CYP7B1: variants seen among roughly 807,000 people sequenced by gnomAD.
CYP7B1 encodes the protein cytochrome P450 family 7 subfamily B member 1, also known as cytochrome P450 7B1.
Under a neutral mutation model 42.7 loss-of-function variants are expected in CYP7B1, and 29 were observed. The ratio of observed to expected loss-of-function variants is 0.68; its 90% confidence interval spans 0.51 to 0.93. CYP7B1 has a LOEUF of 0.93. Ranked by LOEUF, CYP7B1 falls within the 40% of genes least tolerant of loss-of-function variation. The pLI, the probability that CYP7B1 is intolerant of heterozygous loss-of-function variation, is 0.00. For synonymous variants in CYP7B1, 235 were observed against 218.2 expected (o/e 1.08, Z -0.68); for missense variants, 655 against 600.5 (o/e 1.09, Z -0.95).
rs141346462 is a variant in CYP7B1 at position 64,751,220 on chromosome 8, T to A, written c.122+47246A>T. On this transcript the variant is annotated intron_variant, in intron 1 of 5. Coordinates refer to ENST00000310193, the MANE Select transcript of CYP7B1 (RefSeq NM_004820.5). Reference sequence around the variant, plus strand: ...AGAAAATAAATGTGACCTGTCATCATATCTCTCAAAGATAACCACTGCTAG... The same window carrying A: ...AGAAAATAAATGTGACCTGTCATCAAATCTCTCAAAGATAACCACTGCTAG... Among the ~76,000 whole-genome samples, 90 of 152,362 alleles carry A rather than the reference T, an allele frequency of 5.9e-4. 1 individual carries two copies. The highest frequency in any genetic ancestry group is 2.1e-3 in the African/African-American group (87 of 41,596).
chr8:64,681,395 C>A (rs918059117), intron 1 of CYP7B1, among the ~76,000 whole-genome samples: 1 of 152,042 alleles, frequency 6.6e-6, no homozygotes, highest in Non-Finnish European at 1.5e-5. Context: ...GCCAAAGGAC[C>A]CCTGAGATGG....
intron 1 of CYP7B1, among the ~76,000 whole-genome samples, chr8:64,719,778 A>C (rs1294773489): frequency 6.6e-6 from 1 of 152,250 alleles, no homozygotes; most frequent in African/African-American, 2.4e-5. Context: ...ATGAAAACTC[A>C]TTAAAATAAA....
intron 1 of CYP7B1, among the ~76,000 whole-genome samples, chr8:64,724,674 G>T (rs1252628367): frequency 2.6e-5 from 4 of 152,068 alleles, no homozygotes; most frequent in African/African-American, 4.8e-5. Flanking sequence ...CTTGTATTGG[G>T]GCTCTGAAAA....
At chr8:64,721,772 ATATCTT>A in intron 1 of CYP7B1, among the ~76,000 whole-genome samples, 1 of 152,274 alleles carries the variant, frequency 6.6e-6, no homozygotes, top group South Asian at 2.1e-4. Context: ...AAATAACACT[ATATCTT>A]TATGATAGAT....
intron 1 of CYP7B1, among the ~76,000 whole-genome samples, chr8:64,685,155 CCCG>C (rs1213242166): frequency 6.6e-6 from 1 of 152,152 alleles, no homozygotes; most frequent in African/African-American, 2.4e-5. Context: ...TCTTTGCCGC[CCCG>C]CCGGCGAGCG....
chr8:64,728,469 C>T (rs1218408054), intron 1 of CYP7B1, among the ~76,000 whole-genome samples: 1 of 152,196 alleles, frequency 6.6e-6, no homozygotes, highest in African/African-American at 2.4e-5. Context: ...CTGTTAGCCC[C>T]TTATCTCAGA....
chr8:64,746,415 T>G (rs1162387911), intron 1 of CYP7B1, among the ~76,000 whole-genome samples: 1 of 152,210 alleles, frequency 6.6e-6, no homozygotes, highest in South Asian at 2.1e-4. Flanking sequence ...CTGTCATTCC[T>G]GCATGCTCTC....
At chr8:64,625,026 T>C (rs1298969411) in intron 1 of CYP7B1, among the ~76,000 whole-genome samples, 1 of 132,632 alleles carries the variant, frequency 7.5e-6, no homozygotes, top group Non-Finnish European at 1.6e-5. Context: ...CAGGCTGGAG[T>C]GCACTGGTGC....
intron 1 of CYP7B1, among the ~76,000 whole-genome samples, chr8:64,685,213 G>GC (rs902991849): frequency 4.0e-5 from 6 of 150,986 alleles, no homozygotes; most frequent in African/African-American, 1.5e-4. Flanking sequence ...GCCCCGCGGG[G>GC]CCCGAGGGCA....
chr8:64,785,687 G>T (rs147541974), intron 1 of CYP7B1, among the ~76,000 whole-genome samples: 18 of 152,196 alleles, frequency 1.2e-4, no homozygotes, highest in Non-Finnish European at 2.1e-4. Context: ...AAAAATCAGT[G>T]GTTGCCAAAG....
intron 1 of CYP7B1, 100 bp downstream of exon 1, chr8:64,798,366 T>C (rs1451414485): frequency 1.4e-6 from 2 of 1,394,356 alleles, no homozygotes; most frequent in South Asian, 1.6e-5. Flanking sequence ...TCTGACTGTC[T>C]GCACTGGAAA....
In CYP7B1 at chr8:64,732,462, G is replaced by T. The variant is rs533021623; in HGVS notation, c.122+66004C>A. Among the ~76,000 whole-genome samples the T allele has an allele frequency of 5.3e-5, 8 of 152,298 alleles. No individual in the cohort carries two copies. The East Asian group carries it at 1.5e-3, about 29-fold the overall frequency. On this transcript the variant is annotated intron_variant, in intron 1 of 5. Coordinates refer to ENST00000310193, the MANE Select transcript of CYP7B1 (RefSeq NM_004820.5). ...TTTACCCAATGCCTGTACCCCCATT[G>T]TATCTAGGAAGTAACTAATTTGCTT...
At chr8:64,758,736 TG>T (rs750513374) in intron 1 of CYP7B1, among the ~76,000 whole-genome samples, 6 of 152,290 alleles carry the variant, frequency 3.9e-5, no homozygotes, top group African/African-American at 9.6e-5. Context: ...GTAAAAAGGA[TG>T]TAATTCATAC....
At chr8:64,708,967 TC>T (rs1404197810) in intron 1 of CYP7B1, among the ~76,000 whole-genome samples, 1 of 152,170 alleles carries the variant, frequency 6.6e-6, no homozygotes, top group African/African-American at 2.4e-5. Context: ...GCTCACCTCC[TC>T]CTTTGCCTCT....
chr8:64,752,264 T>C (rs558917771), intron 1 of CYP7B1, among the ~76,000 whole-genome samples: 1 of 152,246 alleles, frequency 6.6e-6, no homozygotes, highest in Admixed American at 6.5e-5. Flanking sequence ...GATACACACC[T>C]GAAATTATGT....
intron 1 of CYP7B1, among the ~76,000 whole-genome samples, chr8:64,658,105 C>T (rs1430939828): frequency 2.6e-5 from 4 of 152,116 alleles, no homozygotes; most frequent in Admixed American, 6.5e-5. Context: ...GAGAGCTCTG[C>T]CTTCATGACC....
rs1006705339 is a variant in CYP7B1 at position 64,708,682 on chromosome 8, T to A, written c.123-84143A>T. On this transcript the variant is annotated intron_variant, in intron 1 of 5. Transcript: ENST00000310193. ...TCTGAATTAATGTTTTGTTAGAAAT[T>A]AATAATTTTTTGAAATATGGCTTAG... Among the ~76,000 whole-genome samples, 11 of 152,304 alleles carry A rather than the reference T, an allele frequency of 7.2e-5. No individual in the cohort carries two copies. In the South Asian group the frequency reaches 2.3e-3, roughly 32 times the overall value.
intron 1 of CYP7B1, among the ~76,000 whole-genome samples, chr8:64,738,858 T>C (rs942315408): frequency 6.6e-6 from 1 of 152,148 alleles, no homozygotes; most frequent in African/African-American, 2.4e-5. Context: ...AACACTTAAA[T>C]GGTAATTTTG....
At position 64,615,720 on chromosome 8, in the gene CYP7B1, T is replaced by C; in HGVS notation, c.821A>G (p.Tyr274Cys). The C allele has an allele frequency of 1.9e-6, 3 of 1,613,736 alleles. No individual in the cohort carries two copies. The highest frequency in any genetic ancestry group is 2.5e-6 in the Non-Finnish European group (3 of 1,179,720). ...TATTTCAAGGTCCTCGTGCACATAA[T>C]ATTTCTCCAGGACATCTTGCCTGCT... is the stretch of plus-strand genomic sequence containing the variant. Reference protein sequence around the residue: ...FQSRQDVLEKYYVHEDLEIGA... With the variant: ...FQSRQDVLEKCYVHEDLEIGA... The change falls in exon 3 of 6, where the codon TAT (tyrosine) becomes TGT (cysteine). Residue 274 changes from tyrosine to cysteine, a missense_variant. Physicochemically the swap from Tyr to Cys is radical, Grantham distance 194 (BLOSUM62 -2). Coordinates refer to ENST00000310193, the MANE Select transcript of CYP7B1 (RefSeq NM_004820.5).
Sources: gnomAD v4.1 joint callset for allele counts (sites outside exome capture counted in the v4.1 genomes callset) on GRCh38, gnomAD v4.1.1 for gene constraint, MANE v1.5 for transcripts, NCBI Gene and HGNC (gene_info 2026-07-23, HGNC 2026-07-21) for gene names.